NKPD1: variants seen among roughly 807,000 people sequenced by gnomAD.
NKPD1 encodes the protein NTPase KAP family P-loop domain containing 1.
Under a neutral mutation model 42.2 loss-of-function variants are expected in NKPD1, and 37 were observed. The ratio of observed to expected loss-of-function variants is 0.88; its 90% CI spans 0.67 to 1.15. The LOEUF (loss-of-function observed/expected upper bound fraction) is 1.15. NKPD1 is among the 50% of genes most tolerant of loss of function. The pLI, the probability that NKPD1 is intolerant of heterozygous loss-of-function variation, is 0.00. For synonymous variants in NKPD1, 552 were observed against 536.5 expected, an observed-to-expected ratio of 1.03 and a Z score of -0.40; for missense variants, 1,113 against 1,174.6, an observed-to-expected ratio of 0.95 and a Z score of 0.77.
upstream of NKPD1, among the ~76,000 whole-genome samples, chr19:45,161,830 T>A (rs1167253354): frequency 1.3e-5 from 2 of 152,138 alleles, no homozygotes; most frequent in Non-Finnish European, 2.9e-5. Flanking sequence ...AACAGTTGCT[T>A]CCCTGACAGA....
At chr19:45,153,949 G>A in intron 4 of NKPD1, 174 bp from the exon 5 acceptor site, 2 of 623,568 alleles carry the variant, frequency 3.2e-6, no homozygotes, top group Non-Finnish European at 4.9e-6. Flanking sequence ...GCAGAAGCGG[G>A]GGCGTGGAGA....
At chr19:45,159,122 TGACTGGGCCTGTGTCCCC>T (rs752518580) in intron 2 of NKPD1, 22 bp from the exon 3 acceptor site, 2 of 1,258,906 alleles carry the variant, frequency 1.6e-6, no homozygotes, top group Non-Finnish European at 2.0e-6. Flanking sequence ...GAAGTGGGGG[TGACTGGGCCTGTGTCCCC>T]GACCCCCGGG....
Position 45,160,194 on chromosome 19 carries a change from G to A in NKPD1, c.-44C>T. On this transcript the variant is annotated 5_prime_UTR_variant, in exon 2 of 5. Transcript: ENST00000686631. The stretch of plus-strand genomic sequence containing the variant: ...TGCTGGGGGCCTGCTCCTGAGGCAG[G>A]AGGGAGCACACAGGCTTGGCGTAGC... 8.4e-7 allele frequency: 1 copy of A among 1,191,966 alleles called. No individual in the cohort carries two copies. The highest frequency in any genetic ancestry group is 1.3e-5 in the South Asian group (1 of 77,986). 73.8% of individuals were successfully genotyped at this position (1,191,966 alleles called of 1,614,324 possible).
Position 45,158,554 on chromosome 19 carries a change from G to A in NKPD1, c.529+109C>T, listed in dbSNP as rs1599724749. 5.4e-6 allele frequency: 6 copies of A among 1,102,104 alleles called. No homozygotes were observed. The East Asian group carries it at 4.8e-4, about 88-fold the overall frequency. 68.3% of individuals were successfully genotyped at this position (1,102,104 alleles called of 1,614,324 possible). On this transcript the variant is annotated intron_variant, in intron 3 of 4. Coordinates refer to ENST00000686631, the MANE Select transcript of NKPD1 (RefSeq NM_198478.4). This position sits in a 1 kb window ranked among gnomAD's most constrained non-coding sequence, Gnocchi z 4.6. ...ACCCCTCCTAGATAGGGAACAGGGT[G>A]TGGATGAAGAGGGCAGGTGCAAGAT...
chr19:45,162,557 T>A (rs749809354), upstream of NKPD1, among the ~76,000 whole-genome samples: 1 of 151,460 alleles, frequency 6.6e-6, no homozygotes, highest in East Asian at 1.9e-4. Context: ...GCAGCAGGAG[T>A]GCGTAGGGGC....
At chr19:45,157,465 G>A (rs1270094248) in intron 3 of NKPD1, among the ~76,000 whole-genome samples, 1 of 152,212 alleles carries the variant, frequency 6.6e-6, no homozygotes, top group Non-Finnish European at 1.5e-5. Context: ...AGGCTGGAGT[G>A]CAGCGGCACA....
Position 45,152,188 on chromosome 19 carries a change from A to T in NKPD1, c.2249T>A (p.Ile750Asn). 6.3e-7 allele frequency: 1 copy of T among 1,594,980 alleles called. No individual in the cohort carries two copies. The highest frequency in any genetic ancestry group is 8.5e-7 in the Non-Finnish European group (1 of 1,172,410). ...LRCTVNLDHS[I>N]RRRMGLIRAV... ...TCGGATGAGACCCATGCGCCGGCGG[A>T]TGGAGTGGTCCAGGTTGACCGTGCA... The change falls in exon 5 of 5, where the codon ATC (isoleucine) becomes AAC (asparagine). Residue 750 changes from isoleucine (I) to asparagine (N), a missense_variant. Around this residue, in one of 3 missense-constraint regions of NKPD1, gnomAD observed 867 missense variants for 870.1 expected, o/e 1.00. Coordinates refer to ENST00000686631, the MANE Select transcript of NKPD1 (RefSeq NM_198478.4).
rs780040652 is a variant in NKPD1 at position 45,158,767 on chromosome 19, G to A, written c.425C>T (p.Ala142Val). ...TAPAMARSGP[A>V]LPSAAGVLLK... ...GAGGACGCCAGCCGCGGAGGGTAGA[G>A]CTGGGCCACTCCTGGCCATGGCTGG... The change falls in exon 3 of 5, where the codon GCT (alanine) becomes GTT (valine). Residue 142 changes from alanine (A) to valine (V), a missense_variant. Around this residue, in one of 3 missense-constraint regions of NKPD1, gnomAD observed 204 missense variants for 227.8 expected, o/e 0.90. Transcript: ENST00000686631. The surrounding 1 kb of genome is among the most constrained non-coding windows in gnomAD (Gnocchi z 4.6). 37 of 1,236,794 alleles carry A rather than the reference G, an allele frequency of 3.0e-5. No individual in the cohort carries two copies. The highest frequency in any genetic ancestry group is 3.3e-5 in the Non-Finnish European group (32 of 957,812). The allele number at this position is 1,236,794 out of a possible 1,614,324, so 76.6% of individuals were successfully genotyped here. A position where few individuals can be genotyped will look rare whatever the true frequency, so the allele number is the denominator to read the frequency against.
At position 45,152,737 on chromosome 19, in the gene NKPD1, C is replaced by T. The variant is rs1336914593; in HGVS notation, c.1700G>A (p.Gly567Glu). The T allele has an allele frequency of 6.3e-7, 1 of 1,589,116 alleles. No homozygotes were observed. Among genetic ancestry groups the T allele is most frequent in the Non-Finnish European group, 8.5e-7 (1 of 1,170,458 alleles). The part of the protein sequence containing the change: ...TRKPWLPGDA[G>E]GESAQLLAVQ... ...CGCCAGCAGCTGCGCGCTCTCGCCC[C>T]CGGCGTCCCCCGGCAGCCACGGCTT... Residue 567 changes from glycine (G) to glutamate (E), a missense_variant, in exon 5 of 5, where the codon GGG becomes GAG. Gly to Glu is a moderately conservative substitution (Grantham distance 98). Coordinates refer to ENST00000686631, the MANE Select transcript of NKPD1 (RefSeq NM_198478.4).
chr19:45,153,730 T>C lies in NKPD1; in HGVS notation c.707A>G (p.Gln236Arg), dbSNP rs755532000. Residue 236 changes from glutamine (Q) to arginine (R), a missense_variant, in exon 5 of 5, where the codon CAG becomes CGG. Coordinates refer to ENST00000686631, the MANE Select transcript of NKPD1 (RefSeq NM_198478.4). ...EAAQRESEEL[Q>R]HVQWRPRAVS... ...GGCACGCGGCCGCCACTGCACGTGC[T>C]GCAGCTCCTCGCTCTCGCGCTGCGC... is the stretch of plus-strand genomic sequence containing the variant. 121 of 1,518,368 alleles carry C rather than the reference T, an allele frequency of 8.0e-5. No individual in the cohort carries two copies. The highest frequency in any genetic ancestry group is 1.9e-4 in the Middle Eastern group (1 of 5,282). 94.1% of individuals were successfully genotyped at this position (1,518,368 alleles called of 1,614,324 possible).
At position 45,155,897 on chromosome 19, in the gene NKPD1, G is replaced by T; in HGVS notation, c.549C>A (p.Asp183Glu). The T allele has an allele frequency of 7.7e-7, 1 of 1,305,124 alleles. No individual in the cohort carries two copies. The highest frequency in any genetic ancestry group is 1.2e-5 in the South Asian group (1 of 81,030). 80.8% of individuals were successfully genotyped at this position (1,305,124 alleles called of 1,614,324 possible). A position where few individuals can be genotyped will look rare whatever the true frequency, so the allele number is the denominator to read the frequency against. The change falls in exon 4 of 5, where the codon GAC (aspartate) becomes GAA (glutamate). Residue 183 changes from aspartate (D) to glutamate (E), a missense_variant. By Grantham distance (45) the Asp-to-Glu change is conservative (BLOSUM62 2). Transcript: ENST00000686631. The stretch of plus-strand genomic sequence containing the variant: ...TCTTGGCCAGGCAGCTGCAGTAGAC[G>T]TCATCCTCTGTCAGGATGTCTGGTG... ...AYSSDILTEDDVYCSCLAKTL... is the reference protein window; with the variant it reads ...AYSSDILTEDEVYCSCLAKTL...
intron 1 of NKPD1, among the ~76,000 whole-genome samples, 101 bp downstream of exon 1, chr19:45,160,824 G>C (rs1968990855): frequency 1.3e-5 from 2 of 152,094 alleles, no homozygotes; most frequent in South Asian, 4.1e-4. Context: ...GCTGTGTGGG[G>C]GACAGGGATA....
rs1190812847 is a variant in NKPD1 at position 45,158,880 on chromosome 19, G to A, written c.312C>T (p.His104=). The change falls in exon 3 of 5, where the codon CAC becomes CAT. Residue 104 remains histidine, a synonymous_variant. Coordinates refer to ENST00000686631, the MANE Select transcript of NKPD1 (RefSeq NM_198478.4). The surrounding 1 kb of genome is among the most constrained non-coding windows in gnomAD (Gnocchi z 4.6). ...SPLRQRLCPI[H]EAQKGLPATS... Reference sequence around the variant, plus strand: ...TTGCAGGCAGCCCCTTCTGGGCTTCGTGAATGGGGCAGAGCCGCTGCCGCA... The same window carrying A: ...TTGCAGGCAGCCCCTTCTGGGCTTCATGAATGGGGCAGAGCCGCTGCCGCA... 5 of 1,284,474 alleles carry A rather than the reference G, an allele frequency of 3.9e-6. No homozygotes were observed. Among genetic ancestry groups the A allele is most frequent in the South Asian group, 2.5e-5 (2 of 79,438 alleles). The allele number at this position is 1,284,474 out of a possible 1,614,324, so 79.6% of individuals were successfully genotyped here. A position where few individuals can be genotyped will look rare whatever the true frequency, so the allele number is the denominator to read the frequency against.
chr19:45,158,935 G>T lies in NKPD1; in HGVS notation c.257C>A (p.Pro86His). 1 of 1,299,792 alleles carries T rather than the reference G, an allele frequency of 7.7e-7. No individual in the cohort carries two copies. Among genetic ancestry groups the T allele is most frequent in the South Asian group, 1.2e-5 (1 of 80,714 alleles). The allele number at this position is 1,299,792 out of a possible 1,614,324, so 80.5% of individuals were successfully genotyped here. Residue 86 changes from proline (P) to histidine (H), a missense_variant, in exon 3 of 5, where the codon CCC becomes CAC. Pro to His is a moderately conservative substitution (Grantham distance 77). Transcript: ENST00000686631. The surrounding 1 kb of genome is among the most constrained non-coding windows in gnomAD (Gnocchi z 4.6). ...GCTGGGAGGTGAGGGCTGGGACTGG[G>T]GCTGCCGCTGCTGCTGCAGGACGGA... ...LPSVLQQQRQ[P>H]QSQPSPPSPL...
In NKPD1 at chr19:45,159,084, C is replaced by T; in HGVS notation, c.108G>A (p.Trp36Ter). The T allele has an allele frequency of 7.8e-7, 1 of 1,286,970 alleles. No homozygotes were observed. The highest frequency in any genetic ancestry group is 1.0e-6 in the Non-Finnish European group (1 of 984,498). 79.7% of individuals were successfully genotyped at this position (1,286,970 alleles called of 1,614,324 possible). ...CTCGGAGGGCCGCTGAGTCCTGGCG[C>T]CACTGATGACAGCATCCTGGAAGGA... is the stretch of plus-strand genomic sequence containing the variant. ...LGHRKGCCHQ[W>*]RQDSAALRAH... is the part of the protein sequence containing the mutation. The change falls in exon 3 of 5, where the codon TGG becomes TGA. Residue 36 changes from tryptophan to a stop codon, truncating the protein, a stop_gained. Transcript: ENST00000686631. LOFTEE classifies it high-confidence loss of function.
intron 3 of NKPD1, among the ~76,000 whole-genome samples, chr19:45,156,840 G>A (rs992920524): frequency 1.3e-5 from 2 of 152,186 alleles, no homozygotes; most frequent in South Asian, 2.1e-4. Flanking sequence ...TGTAGGAAAC[G>A]GGCCACACCT....
intron 4 of NKPD1, 116 bp downstream of exon 4, chr19:45,155,669 T>C: frequency 9.6e-7 from 1 of 1,043,314 alleles, no homozygotes; most frequent in Non-Finnish European, 1.3e-6. Flanking sequence ...GGGGAGGGCC[T>C]GGGCTGGGGC....
upstream of NKPD1, among the ~76,000 whole-genome samples, chr19:45,162,017 T>A (rs1033308443): frequency 1.2e-4 from 18 of 151,980 alleles, no homozygotes; most frequent in Non-Finnish European, 2.2e-4. Context: ...TTCAAGCCGG[T>A]TGCTCTGGGA....
Position 45,159,107 on chromosome 19 carries a change from G to T in NKPD1, c.92-7C>A. 7.8e-7 allele frequency: 1 copy of T among 1,275,472 alleles called. No individual in the cohort carries two copies. The highest frequency in any genetic ancestry group is 1.0e-6 in the Non-Finnish European group (1 of 982,088). The allele number at this position is 1,275,472 out of a possible 1,614,324, so 79.0% of individuals were successfully genotyped here. ...CGCCACTGATGACAGCATCCTGGAA[G>T]GAAGGAAGTGGGGGTGACTGGGCCT... On this transcript the variant is annotated splice_polypyrimidine_tract_variant and splice_region_variant and intron_variant, in intron 2 of 4. Coordinates refer to ENST00000686631, the MANE Select transcript of NKPD1 (RefSeq NM_198478.4).
Sources: gnomAD v4.1 joint callset for allele counts (sites outside exome capture counted in the v4.1 genomes callset) on GRCh38, gnomAD v4.1.1 for gene constraint, gnomAD v4.1.1 regional missense constraint, Gnocchi (gnomAD v3.1) non-coding constraint, MANE v1.5 for transcripts, NCBI Gene and HGNC (gene_info 2026-07-23, HGNC 2026-07-21) for gene names.